Variants in CLPTM1 observed in about 807,000 individuals in gnomAD.
CLPTM1 encodes the protein putative lipid scramblase CLPTM1.
In CLPTM1, 21 loss-of-function variants were observed where a neutral mutation model predicts 77.3. The ratio of observed to expected loss-of-function variants is 0.27; its 90% CI spans 0.19 to 0.39. The LOEUF is 0.39. CLPTM1 is among the 10% of genes least tolerant of loss of function. The pLI is 1.00. For missense variants in CLPTM1, 642 were observed against 921.2 expected (o/e 0.70, Z 3.92); for synonymous variants, 373 against 381.0 (o/e 0.98, Z 0.24).
At chr19:44,970,891 C>T (rs1970707289) in intron 2 of CLPTM1, among the ~76,000 whole-genome samples, 1 of 143,886 alleles carries the variant, frequency 6.9e-6, no homozygotes, top group Non-Finnish European at 1.5e-5. Flanking sequence ...AGTGCCATGG[C>T]ACGATCTCGG....
rs748487644 is a variant in CLPTM1, at chr19:44,987,423, G to C, written c.1038G>C (p.Lys346Asn). Reference sequence around the variant, plus strand: ...CAGATGAGGAGCAGGACTCGGTGAAGGTGAGTGCGGCCGGTGTGGGCGGGA... The same window carrying C: ...CAGATGAGGAGCAGGACTCGGTGAACGTGAGTGCGGCCGGTGTGGGCGGGA... ...EQSDEEQDSV[K>N]VALLETNPYL... The change falls in exon 8 of 14, where the codon AAG (lysine) becomes AAC (asparagine). Residue 346 changes from lysine to asparagine, a missense_variant and splice_region_variant. Physicochemically the swap from Lys to Asn is moderately conservative, Grantham distance 94. Around this residue, in one of 2 missense-constraint regions of CLPTM1, gnomAD observed 521 missense variants for 800.4 expected, o/e 0.65. Transcript: ENST00000337392. 1 of 1,613,078 alleles carries C rather than the reference G, an allele frequency of 6.2e-7. No individual in the cohort carries two copies. The highest frequency in any genetic ancestry group is 8.5e-7 in the Non-Finnish European group (1 of 1,179,712).
chr19:44,989,118 A>T (rs192385116), intron 9 of CLPTM1, among the ~76,000 whole-genome samples: 4 of 152,238 alleles, frequency 2.6e-5, no homozygotes, highest in African/African-American at 9.6e-5. Context: ...GTGAGCCATG[A>T]TCACACCACT....
intron 8 of CLPTM1, 102 bp from the exon 9 acceptor site, chr19:44,987,978 C>T (rs908940464): frequency 2.4e-6 from 2 of 844,658 alleles, no homozygotes; most frequent in South Asian, 1.4e-5. Flanking sequence ...GGCCCACCTT[C>T]AGCCTCCCTC....
At chr19:44,954,965 G>C, upstream of CLPTM1, 1 of 1,534,122 alleles carries the variant, frequency 6.5e-7, no homozygotes, top group East Asian at 2.4e-5. Flanking sequence ...GACGAAAGAG[G>C]GGCGTGGTTC....
rs1165621422 is a variant in CLPTM1 at position 44,990,970 on chromosome 19, CT to C, written c.1419+26del. ...TGTGAGTGTCCTGCACAGTGGGCCC[CT>C]GGGGGTGGTCTCCAGGTACCACGTA... On this transcript the variant is annotated intron_variant, in intron 11 of 13. Transcript: ENST00000337392. The surrounding 1 kb of genome is among the most constrained non-coding windows in gnomAD (Gnocchi z 4.8). 1.3e-6 allele frequency: 2 copies of C among 1,486,660 alleles called. No homozygotes were observed. Among genetic ancestry groups the C allele is most frequent in the Admixed American group, 4.1e-5 (2 of 48,966 alleles). The allele number at this position is 1,486,660 out of a possible 1,614,324, so 92.1% of individuals were successfully genotyped here.
chr19:44,977,794 T>C (rs1160779291), intron 5 of CLPTM1, among the ~76,000 whole-genome samples: 3 of 152,082 alleles, frequency 2.0e-5, no homozygotes, highest in Non-Finnish European at 2.9e-5. Flanking sequence ...TTTTGCACAG[T>C]AGGGGCCTGA....
chr19:44,974,532 G>A lies in CLPTM1; in HGVS notation c.403G>A (p.Asp135Asn), dbSNP rs745875304. The A allele has an allele frequency of 6.2e-7, 1 of 1,614,188 alleles. No homozygotes were observed. ...FWEQHDLVYG[D>N]WTSGENSDGC... ...GGAACAGCACGATCTTGTGTATGGC[G>A]ACTGGACTAGCGGCGAGAACTCAGA... is the stretch of plus-strand genomic sequence containing the variant. The change falls in exon 4 of 14, where the codon GAC (aspartate) becomes AAC (asparagine). Residue 135 changes from aspartate (D) to asparagine (N), a missense_variant. Asp to Asn is a conservative substitution (Grantham distance 23). This residue lies in a region of CLPTM1 where 521 missense variants were observed against 800.4 expected (regional missense o/e 0.65). Transcript: ENST00000337392.
chr19:44,977,485 A>C (rs1970824253), intron 5 of CLPTM1, 25 bp downstream of exon 5: 1 of 1,549,642 alleles, frequency 6.5e-7, no homozygotes, highest in African/African-American at 1.4e-5. Context: ...TGCAGCCAGG[A>C]CCCACTGTCC....
chr19:44,992,423 G>A lies in CLPTM1; in HGVS notation c.1723+23G>A. The A allele has an allele frequency of 6.2e-7, 1 of 1,613,776 alleles. No individual in the cohort carries two copies. ...ACGGTGAGGCCCGGTGGGCAGGTGG[G>A]AGCTCCCACCGGAACAGGGCCCTGA... is the stretch of plus-strand genomic sequence containing the variant. On this transcript the variant is annotated intron_variant, in intron 13 of 13. Transcript: ENST00000337392. This position sits in a 1 kb window ranked among gnomAD's most constrained non-coding sequence, Gnocchi z 7.7.
In CLPTM1 at chr19:44,991,203, G is replaced by A; in HGVS notation, c.1420-35G>A. Reference sequence around the variant, plus strand: ...AGCAGGGCTGCCAGGCAGGGCTGAGGAGCTGGCTGACAGCCCCACCCTGTG... The same window carrying A: ...AGCAGGGCTGCCAGGCAGGGCTGAGAAGCTGGCTGACAGCCCCACCCTGTG... On this transcript the variant is annotated intron_variant, in intron 11 of 13. Transcript: ENST00000337392. The surrounding 1 kb of genome is among the most constrained non-coding windows in gnomAD (Gnocchi z 5.4). 1 of 1,612,140 alleles carries A rather than the reference G, an allele frequency of 6.2e-7. No homozygotes were observed. The highest frequency in any genetic ancestry group is 8.5e-7 in the Non-Finnish European group (1 of 1,178,866).
rs939907643 is a variant in CLPTM1, at chr19:44,987,724, G to C, written c.1038+301G>C. 7.1e-5 allele frequency: 39 copies of C among 545,996 alleles called. No individual in the cohort carries two copies. The African/African-American group carries it at 7.2e-4, about 10-fold the overall frequency. The allele number at this position is 545,996 out of a possible 1,614,324, so 33.8% of individuals were successfully genotyped here. A position where few individuals can be genotyped will look rare whatever the true frequency, so the allele number is the denominator to read the frequency against. On this transcript the variant is annotated intron_variant, in intron 8 of 13. Transcript: ENST00000337392. The stretch of plus-strand genomic sequence containing the variant: ...GCCCTGGCTCCAACTCTGTGTCTCT[G>C]CCATCTCACTGGGTCCTGAAATGTC...
chr19:44,958,457 C>T (rs753927436), intron 1 of CLPTM1, among the ~76,000 whole-genome samples: 4 of 151,976 alleles, frequency 2.6e-5, no homozygotes, highest in African/African-American at 9.7e-5. Flanking sequence ...CTGCAACCTC[C>T]GTCTCCTGGG....
At chr19:44,984,160 C>T (rs1403703971) in intron 5 of CLPTM1, 1 of 152,260 alleles carries the variant, frequency 6.6e-6, no homozygotes, top group Admixed American at 6.5e-5. Flanking sequence ...ATCTTGGTTT[C>T]TCATGTTGGT....
At chr19:44,954,768 A>T, upstream of CLPTM1, 1 of 1,349,248 alleles carries the variant, frequency 7.4e-7, no homozygotes, top group Non-Finnish European at 9.6e-7. Flanking sequence ...GGGGTGTATC[A>T]TAGGGTCTCA....
rs542802215 is a variant in CLPTM1 at position 44,961,684 on chromosome 19, G to A, written c.73-279G>A. Among the ~76,000 whole-genome samples the A allele has an allele frequency of 1.4e-4, 22 of 152,262 alleles. No homozygotes were observed. In the East Asian group the frequency reaches 4.2e-3, roughly 29 times the overall value. On this transcript the variant is annotated intron_variant, in intron 1 of 13. Coordinates refer to ENST00000337392, the MANE Select transcript of CLPTM1 (RefSeq NM_001294.4). The stretch of plus-strand genomic sequence containing the variant: ...CCCCGTTCTGGACAGTCACTGTCTA[G>A]AGATGAATCTTTCTCCCCCACCGGG...
chr19:44,961,722 A>C (rs1970546110), intron 1 of CLPTM1, among the ~76,000 whole-genome samples: 1 of 152,168 alleles, frequency 6.6e-6, no homozygotes, highest in South Asian at 2.1e-4. Context: ...GTTAAACCCC[A>C]GGAGGACAGC....
rs1180549872 is a variant in CLPTM1, at chr19:44,992,513, G to T, written c.1724-98G>T. 1 of 1,589,970 alleles carries T rather than the reference G, an allele frequency of 6.3e-7. No individual in the cohort carries two copies. On this transcript the variant is annotated intron_variant, in intron 13 of 13. Transcript: ENST00000337392. This position sits in a 1 kb window ranked among gnomAD's most constrained non-coding sequence, Gnocchi z 7.7. ...CCCAGATGGGGTGCTCAGTCTGAGG[G>T]GGCTCGGCCCCGCCCTTGCATCACG...
chr19:44,986,330 C>T, intron 6 of CLPTM1, 125 bp from the exon 7 acceptor site: 2 of 1,310,112 alleles, frequency 1.5e-6, no homozygotes, highest in Non-Finnish European at 2.1e-6. Context: ...GAGACCCCAT[C>T]TCAGAAAAAA....
At chr19:44,970,239 T>C (rs1004503205) in intron 2 of CLPTM1, among the ~76,000 whole-genome samples, 4 of 146,914 alleles carry the variant, frequency 2.7e-5, no homozygotes, top group African/African-American at 1.1e-4. Context: ...ACGAGTGGCC[T>C]TGCATACTTC....
Sources: gnomAD v4.1 joint callset for allele counts (sites outside exome capture counted in the v4.1 genomes callset) on GRCh38, gnomAD v4.1.1 for gene constraint, gnomAD v4.1.1 regional missense constraint, Gnocchi (gnomAD v3.1) non-coding constraint, MANE v1.5 for transcripts, NCBI Gene and HGNC (gene_info 2026-07-23, HGNC 2026-07-21) for gene names.